Variants in SNX29 observed in about 807,000 individuals in gnomAD.
The protein encoded by SNX29 is sorting nexin-29.
A neutral mutation model predicts 102.1 loss-of-function variants in SNX29; 78 were observed. The observed-to-expected ratio is 0.76, with a 90% CI of 0.64 to 0.92. The LOEUF (loss-of-function observed/expected upper bound fraction) is 0.92, where lower values mean the gene tolerates loss of function less well. Among genes scored for constraint, SNX29 ranks in the 40% least tolerant of loss-of-function variants. The pLI, the probability that SNX29 is intolerant of heterozygous loss-of-function variation, is 0.00. For missense variants in SNX29, 1,280 were observed against 1,061.7 expected, an observed-to-expected ratio of 1.21 and a Z score of -2.86; for synonymous variants, 580 against 414.5, an observed-to-expected ratio of 1.40 and a Z score of -4.85.
At chr16:12,291,422 C>T (rs1036820464) in intron 15 of SNX29, among the ~76,000 whole-genome samples, 20 of 152,164 alleles carry the variant, frequency 1.3e-4, no homozygotes, top group Non-Finnish European at 2.2e-4. Context: ...GGGAAAGACC[C>T]GCCCCCATCA....
intron 9 of SNX29, among the ~76,000 whole-genome samples, chr16:12,067,965 G>A (rs978069107): frequency 6.6e-6 from 1 of 151,988 alleles, no homozygotes; most frequent in Non-Finnish European, 1.5e-5. Context: ...CAGCTCTTGT[G>A]AATGCCTTTC....
chr16:12,228,569 A>T (rs1171444436), intron 14 of SNX29, among the ~76,000 whole-genome samples: 1 of 152,214 alleles, frequency 6.6e-6, no homozygotes, highest in Non-Finnish European at 1.5e-5. Flanking sequence ...CCCTTCAGTG[A>T]CTTCCCGTTG....
At chr16:12,055,135 G>A (rs1459332598) in intron 8 of SNX29, among the ~76,000 whole-genome samples, 1 of 152,010 alleles carries the variant, frequency 6.6e-6, no homozygotes, top group Non-Finnish European at 1.5e-5. Context: ...GTGGATGTGT[G>A]TAGTTCCTTC....
At chr16:12,500,836 G>A (rs2089085407) in intron 19 of SNX29, among the ~76,000 whole-genome samples, 1 of 152,182 alleles carries the variant, frequency 6.6e-6, no homozygotes, top group African/African-American at 2.4e-5. Context: ...TTTTGCAGTT[G>A]CTATCAGATT....
intron 13 of SNX29, among the ~76,000 whole-genome samples, chr16:12,178,810 G>A (rs766050664): frequency 1.2e-4 from 18 of 152,212 alleles, no homozygotes; most frequent in African/African-American, 2.4e-5. Context: ...CTTGGAAGGA[G>A]CATATTTGAC....
intron 13 of SNX29, among the ~76,000 whole-genome samples, chr16:12,197,266 A>T (rs2076799862): frequency 6.6e-6 from 1 of 152,124 alleles, no homozygotes; most frequent in Admixed American, 6.6e-5. Flanking sequence ...GGCTAAAGGA[A>T]TCCTAGAAAA....
At chr16:12,351,398 T>C (rs1452564076) in intron 15 of SNX29, among the ~76,000 whole-genome samples, 2 of 152,152 alleles carry the variant, frequency 1.3e-5, no homozygotes, top group African/African-American at 4.8e-5. Flanking sequence ...GTGAATAATC[T>C]TGGAGAGTTT....
intron 11 of SNX29, among the ~76,000 whole-genome samples, chr16:12,100,202 G>A (rs2052953355): frequency 6.6e-6 from 1 of 152,202 alleles, no homozygotes; most frequent in Non-Finnish European, 1.5e-5. Context: ...CTGTGTGTCA[G>A]GTGCTGTGCT....
chr16:12,027,487 T>G, intron 4 of SNX29, 43 bp downstream of exon 4: 1 of 1,605,838 alleles, frequency 6.2e-7, no homozygotes, highest in Non-Finnish European at 8.5e-7. Flanking sequence ...CTTGTCTTCC[T>G]TCTGCTCTTT....
rs1555461513 is a variant in SNX29, at chr16:12,107,356, T to TTA, written c.1403-19277_1403-19276insTA. ...ACTGTGGGTTTTTTTTTTTTTTTTT[T>TTA]AAAACGTTTTTGCTTCGAAAGAATT... On this transcript the variant is annotated intron_variant, in intron 11 of 20. Coordinates refer to ENST00000566228, the MANE Select transcript of SNX29 (RefSeq NM_032167.5). Among the ~76,000 whole-genome samples the TTA allele has an allele frequency of 4.0e-3, 594 of 149,140 alleles. 5 individuals carry two copies. Among genetic ancestry groups the TTA allele is most frequent in the Middle Eastern group, 0.01 (3 of 286 alleles).
At chr16:12,052,340 C>T in intron 8 of SNX29, 118 bp downstream of exon 8, 3 of 1,182,348 alleles carry the variant, frequency 2.5e-6, no homozygotes, top group Non-Finnish European at 3.6e-6. Flanking sequence ...CCTCAGCCTC[C>T]CGAGTAGCTG....
chr16:12,007,544 G>C (rs2056497611), intron 3 of SNX29, among the ~76,000 whole-genome samples: 1 of 152,046 alleles, frequency 6.6e-6, no homozygotes, highest in Admixed American at 6.6e-5. Context: ...AATCTCAAGA[G>C]GGAAAGTCAG....
At chr16:12,129,492 A>C in intron 12 of SNX29, 138 bp from the exon 13 acceptor site, 1 of 1,150,540 alleles carries the variant, frequency 8.7e-7, no homozygotes, top group South Asian at 2.2e-5. Context: ...TTCACATGAG[A>C]TAGACTTGAA....
chr16:12,050,732 G>C (rs1043511457), intron 7 of SNX29, among the ~76,000 whole-genome samples: 17 of 151,552 alleles, frequency 1.1e-4, no homozygotes, highest in Non-Finnish European at 7.4e-5. Context: ...TTTTTTTGGA[G>C]AAAGAGTCTC....
intron 18 of SNX29, among the ~76,000 whole-genome samples, chr16:12,423,954 G>A (rs1004415688): frequency 7.2e-5 from 11 of 152,306 alleles, no homozygotes; most frequent in South Asian, 4.1e-4. Flanking sequence ...GCCTGGTGTC[G>A]GGGATAGTCC....
chr16:12,422,995 A>G (rs1359514098), intron 18 of SNX29, among the ~76,000 whole-genome samples: 1 of 152,194 alleles, frequency 6.6e-6, no homozygotes, highest in Non-Finnish European at 1.5e-5. Flanking sequence ...CTACTTCATT[A>G]TAAGACTCAG....
At chr16:12,557,971 C>G (rs1057391090) in intron 20 of SNX29, among the ~76,000 whole-genome samples, 3 of 150,094 alleles carry the variant, frequency 2.0e-5, no homozygotes, top group Admixed American at 6.6e-5. Flanking sequence ...TGTGGGTCTT[C>G]TGCTTAAGAT....
intron 14 of SNX29, among the ~76,000 whole-genome samples, chr16:12,215,212 C>T (rs577898079): frequency 4.3e-4 from 65 of 151,692 alleles, no homozygotes; most frequent in Non-Finnish European, 6.9e-4. Context: ...GGTCAGAGAC[C>T]GGCTGGGCAC....
intron 18 of SNX29, among the ~76,000 whole-genome samples, chr16:12,406,143 T>C (rs142617583): frequency 6.6e-6 from 1 of 151,898 alleles, no homozygotes; most frequent in East Asian, 1.9e-4. Context: ...TACATCAGGG[T>C]CAATGAAAAT....
Sources: allele counts gnomAD v4.1 joint callset (sites outside exome capture counted in the v4.1 genomes callset), GRCh38; gene constraint gnomAD v4.1.1; transcripts MANE v1.5; gene names NCBI Gene and HGNC (gene_info 2026-07-23, HGNC 2026-07-21).